Variants in GLIS3 observed in about 807,000 individuals in gnomAD.
The protein encoded by GLIS3 is zinc finger protein GLIS3.
GLIS3 carries 53 observed loss-of-function variants against 78.6 expected under a neutral mutation model. The observed-to-expected ratio is 0.67, with a 90% CI of 0.54 to 0.85. The LOEUF (loss-of-function observed/expected upper bound fraction) is 0.85. Ranked by LOEUF, GLIS3 falls within the 40% of genes least tolerant of loss-of-function variation. The pLI, the probability that GLIS3 is intolerant of heterozygous loss-of-function variation, is 0.00. For missense variants in GLIS3, 1,703 were observed against 1,231.1 expected (o/e 1.38, Z -5.74); for synonymous variants, 684 against 509.9 (o/e 1.34, Z -4.60).
chr9:4,185,753 G>C (rs1817729232), intron 2 of GLIS3, among the ~76,000 whole-genome samples: 1 of 152,156 alleles, frequency 6.6e-6, no homozygotes, highest in South Asian at 2.1e-4. Flanking sequence ...CAAGGCATCA[G>C]TTAGGGACAA....
At chr9:3,887,300 C>G (rs1822145302) in intron 7 of GLIS3, among the ~76,000 whole-genome samples, 1 of 152,182 alleles carries the variant, frequency 6.6e-6, no homozygotes, top group African/African-American at 2.4e-5. Flanking sequence ...TGGCAACTGT[C>G]TCCCATGCAC....
chr9:4,268,634 T>A (rs1254678661), intron 2 of GLIS3, among the ~76,000 whole-genome samples: 2 of 152,240 alleles, frequency 1.3e-5, no homozygotes, highest in African/African-American at 2.4e-5. Flanking sequence ...GTATAATCCC[T>A]GACTTCTGTT....
intron 3 of GLIS3, among the ~76,000 whole-genome samples, chr9:4,119,996 G>T (rs1450256226): frequency 6.6e-6 from 1 of 152,222 alleles, no homozygotes. Context: ...GACATGGTGT[G>T]TATCAGAAGA....
chr9:4,448,168 T>C, the GLIS3 span, among the ~76,000 whole-genome samples: 1 of 152,250 alleles, frequency 6.6e-6, no homozygotes, highest in Non-Finnish European at 1.5e-5. Context: ...AGATTGATTG[T>C]CTTCTAAGAC....
chr9:4,329,758 T>C (rs1817656832), intron 2 of GLIS3, among the ~76,000 whole-genome samples: 1 of 152,078 alleles, frequency 6.6e-6, no homozygotes, highest in African/African-American at 2.4e-5. Context: ...TAAATACCTC[T>C]AGCAATGGGG....
chr9:4,225,357 T>C (rs560035690), intron 2 of GLIS3, among the ~76,000 whole-genome samples: 7 of 152,204 alleles, frequency 4.6e-5, no homozygotes, highest in Non-Finnish European at 8.8e-5. Context: ...TCTTTGGTAA[T>C]GGAACCTCTG....
intron 2 of GLIS3, among the ~76,000 whole-genome samples, chr9:4,130,936 C>A (rs1832929396): frequency 6.6e-6 from 1 of 152,182 alleles, no homozygotes; most frequent in Non-Finnish European, 1.5e-5. Flanking sequence ...GGGCTGCACC[C>A]CACAAAGCCT....
intron 4 of GLIS3, among the ~76,000 whole-genome samples, chr9:4,059,960 C>T (rs1826508387): frequency 6.6e-6 from 1 of 151,674 alleles, no homozygotes. Flanking sequence ...GTGAAGGTTC[C>T]TTGCAACTTT....
At chr9:3,975,944 G>A (rs1158303123) in intron 4 of GLIS3, among the ~76,000 whole-genome samples, 3 of 152,088 alleles carry the variant, frequency 2.0e-5, no homozygotes, top group Non-Finnish European at 4.4e-5. Flanking sequence ...ACCCCAGGTA[G>A]GTGAAACACC....
chr9:4,210,758 C>T (rs1358512839), intron 2 of GLIS3, among the ~76,000 whole-genome samples: 1 of 152,272 alleles, frequency 6.6e-6, no homozygotes, highest in Non-Finnish European at 1.5e-5. Context: ...CGCTTCGATG[C>T]AGCTTCACCT....
chr9:3,828,724 T>G (rs1817867811), intron 10 of GLIS3, among the ~76,000 whole-genome samples: 1 of 152,098 alleles, frequency 6.6e-6, no homozygotes, highest in African/African-American at 2.4e-5. Flanking sequence ...AGAATGGAAT[T>G]CTCACAGATG....
intron 4 of GLIS3, among the ~76,000 whole-genome samples, chr9:3,997,556 A>G (rs1033531157): frequency 5.9e-5 from 9 of 152,042 alleles, no homozygotes; most frequent in African/African-American, 1.9e-4. Flanking sequence ...AACTCATTCA[A>G]TATATATGTT....
the GLIS3 span, among the ~76,000 whole-genome samples, chr9:4,408,193 G>A: frequency 6.6e-6 from 1 of 152,032 alleles, no homozygotes; most frequent in African/African-American, 2.4e-5. Context: ...AACCACTACG[G>A]AGAACAGCAT....
chr9:4,115,268 C>T (rs1831547502), intron 4 of GLIS3, among the ~76,000 whole-genome samples: 2 of 152,184 alleles, frequency 1.3e-5, no homozygotes, highest in South Asian at 4.2e-4. Context: ...AAAAATGGCC[C>T]GGCTCTTATC....
At chr9:4,059,049 C>T (rs1388895786) in intron 4 of GLIS3, among the ~76,000 whole-genome samples, 3 of 151,642 alleles carry the variant, frequency 2.0e-5, no homozygotes, top group Admixed American at 6.6e-5. Flanking sequence ...TGCTAGTTGA[C>T]GAAGGGGACC....
intron 9 of GLIS3, 40 bp downstream of exon 9, chr9:3,855,969 C>A: frequency 6.2e-7 from 1 of 1,602,636 alleles, no homozygotes; most frequent in South Asian, 1.1e-5. Context: ...AGCACAATGT[C>A]ACTTTTCAAA....
chr9:4,418,033 A>T, the GLIS3 span, among the ~76,000 whole-genome samples: 41 of 152,316 alleles, frequency 2.7e-4, no homozygotes, highest in Non-Finnish European at 4.1e-4. Context: ...TAACACCTCC[A>T]GTCATTGTGA....
intron 2 of GLIS3, among the ~76,000 whole-genome samples, chr9:4,161,708 C>T (rs987343008): frequency 1.5e-4 from 16 of 103,454 alleles, no homozygotes; most frequent in South Asian, 6.5e-4. Flanking sequence ...GACAGAGTTT[C>T]GCTCTGTCGC....
chr9:4,129,041 T>C (rs1480464487), intron 2 of GLIS3, among the ~76,000 whole-genome samples: 2 of 152,200 alleles, frequency 1.3e-5, no homozygotes, highest in East Asian at 1.9e-4. Flanking sequence ...GGTACAACTA[T>C]GAGGATGTTC....
Sources: gnomAD v4.1 joint callset for allele counts (sites outside exome capture counted in the v4.1 genomes callset) on GRCh38, gnomAD v4.1.1 for gene constraint, MANE v1.5 for transcripts, NCBI Gene and HGNC (gene_info 2026-07-23, HGNC 2026-07-21) for gene names.